Variants in CDH8 observed in about 807,000 individuals in gnomAD.
CDH8 encodes cadherin-8.
In CDH8, 17 loss-of-function variants were observed where a neutral mutation model predicts 68.1. The observed-to-expected ratio is 0.25, with a 90% confidence interval of 0.17 to 0.37. The LOEUF is 0.37. Ranked by LOEUF, CDH8 falls within the 10% of genes least tolerant of loss-of-function variation. The pLI is 1.00. For missense variants in CDH8, 763 were observed against 999.3 expected (o/e 0.76, Z 3.19); for synonymous variants, 372 against 365.1 (o/e 1.02, Z -0.21).
At chr16:61,978,653 G>A (rs1038889615) in intron 2 of CDH8, among the ~76,000 whole-genome samples, 1 of 152,096 alleles carries the variant, frequency 6.6e-6, no homozygotes, top group South Asian at 2.1e-4. Context: ...TGACATATGA[G>A]AAAATTGACG....
intron 4 of CDH8, 128 bp downstream of exon 4, chr16:61,856,991 C>T: frequency 6.5e-6 from 7 of 1,075,128 alleles, no homozygotes; most frequent in South Asian, 2.6e-5. Flanking sequence ...CCTCATGTCG[C>T]ATATTCAAAT....
intron 4 of CDH8, among the ~76,000 whole-genome samples, chr16:61,842,054 A>ATTT (rs543607290): frequency 0.054 from 7,083 of 132,226 alleles, 464 homozygotes; most frequent in East Asian, 0.19. Context: ...CGCCCGGCTA[A>ATTT]TTTTTTTTTT....
intron 3 of CDH8, among the ~76,000 whole-genome samples, chr16:61,890,963 A>T (rs1963764865): frequency 6.6e-6 from 1 of 152,160 alleles, no homozygotes; most frequent in Non-Finnish European, 1.5e-5. Context: ...CCCTATAGTG[A>T]ATAGTTCTAT....
chr16:61,695,769 G>C (rs1964313660), intron 10 of CDH8, among the ~76,000 whole-genome samples: 1 of 152,132 alleles, frequency 6.6e-6, no homozygotes, highest in Non-Finnish European at 1.5e-5. Flanking sequence ...TATTACTCTT[G>C]TCTTAGAATG....
chr16:61,986,308 T>C (rs1394218269), intron 2 of CDH8, among the ~76,000 whole-genome samples: 1 of 152,208 alleles, frequency 6.6e-6, no homozygotes, highest in African/African-American at 2.4e-5. Flanking sequence ...AGAAAATGCA[T>C]AGTAGACTCA....
intron 4 of CDH8, among the ~76,000 whole-genome samples, chr16:61,840,951 A>T (rs536535337): frequency 2.6e-5 from 4 of 152,262 alleles, no homozygotes; most frequent in East Asian, 1.9e-4. Context: ...AACTTTTTTT[A>T]AAAAATAAAG....
chr16:61,901,257 C>T lies in CDH8; in HGVS notation c.469G>A (p.Val157Ile). 2.5e-6 allele frequency: 4 copies of T among 1,613,998 alleles called. No homozygotes were observed. The highest frequency in any genetic ancestry group is 3.4e-6 in the Non-Finnish European group (4 of 1,179,908). Residue 157 changes from valine (V) to isoleucine (I), a missense_variant, in exon 3 of 12, where the codon GTT becomes ATT. Physicochemically the swap from Val to Ile is conservative, Grantham distance 29. Around this residue, in one of 2 missense-constraint regions of CDH8, gnomAD observed 366 missense variants for 563.1 expected, o/e 0.65. Transcript: ENST00000577390. Reference sequence around the variant, plus strand: ...GGTGCATTGTCATTGATGTCTTGAACTTTAATAATAAATTCAGAAGGAGGC... The same window carrying T: ...GGTGCATTGTCATTGATGTCTTGAATTTTAATAATAAATTCAGAAGGAGGC... Reference protein sequence around the residue: ...LEPPSEFIIKVQDINDNAPEF... With the variant: ...LEPPSEFIIKIQDINDNAPEF...
chr16:61,822,487 T>A (rs1369476261), intron 5 of CDH8, among the ~76,000 whole-genome samples: 1 of 151,722 alleles, frequency 6.6e-6, no homozygotes, highest in Non-Finnish European at 1.5e-5. Flanking sequence ...TCATTCGAGC[T>A]CAAATCCACT....
chr16:61,734,363 T>C (rs1435766436), intron 8 of CDH8, among the ~76,000 whole-genome samples: 3 of 150,104 alleles, frequency 2.0e-5, no homozygotes, highest in African/African-American at 7.3e-5. Context: ...TTTCCTTCAG[T>C]ATTTGCAAGG....
intron 4 of CDH8, among the ~76,000 whole-genome samples, chr16:61,829,866 T>G (rs544902806): frequency 6.6e-6 from 1 of 151,912 alleles, no homozygotes; most frequent in South Asian, 2.1e-4. Context: ...CAAGACAGAA[T>G]TTTTGGAATG....
chr16:61,735,918 C>CA (rs1959665387), intron 8 of CDH8, among the ~76,000 whole-genome samples: 1 of 151,708 alleles, frequency 6.6e-6, no homozygotes, highest in African/African-American at 2.4e-5. Flanking sequence ...ACTAAAAATA[C>CA]AAAAATTAGC....
At chr16:61,892,327 G>A (rs1214405091) in intron 3 of CDH8, among the ~76,000 whole-genome samples, 2 of 151,930 alleles carry the variant, frequency 1.3e-5, no homozygotes, top group Non-Finnish European at 2.9e-5. Flanking sequence ...ATGCCTGCAG[G>A]ATCCTTTTGA....
chr16:62,005,367 TAA>T (rs1344009875), intron 2 of CDH8, among the ~76,000 whole-genome samples: 1 of 152,152 alleles, frequency 6.6e-6, no homozygotes, highest in African/African-American at 2.4e-5. Flanking sequence ...TAGGCTATGT[TAA>T]AGAGTACCAT....
At chr16:61,942,548 G>T (rs1964741190) in intron 2 of CDH8, among the ~76,000 whole-genome samples, 1 of 151,964 alleles carries the variant, frequency 6.6e-6, no homozygotes, top group Non-Finnish European at 1.5e-5. Context: ...GAGGAAACGG[G>T]CTAAGCTCAT....
At chr16:61,925,577 T>A (rs1379981057) in intron 2 of CDH8, among the ~76,000 whole-genome samples, 3 of 152,178 alleles carry the variant, frequency 2.0e-5, no homozygotes, top group African/African-American at 7.2e-5. Context: ...TCTATTTTTC[T>A]CCATTAGGCC....
chr16:61,744,254 GTTTTAC>G (rs1266843493), intron 8 of CDH8, among the ~76,000 whole-genome samples: 1 of 152,072 alleles, frequency 6.6e-6, no homozygotes, highest in Admixed American at 6.5e-5. Flanking sequence ...TTCTGCCAAA[GTTTTAC>G]TTTATATACT....
At chr16:61,683,361 C>T (rs1964047501) in intron 10 of CDH8, among the ~76,000 whole-genome samples, 1 of 151,960 alleles carries the variant, frequency 6.6e-6, no homozygotes, top group South Asian at 2.1e-4. Context: ...AAATGTTACC[C>T]ATGATTTAAT....
chr16:61,751,411 A>G (rs1960159096), intron 8 of CDH8, among the ~76,000 whole-genome samples: 2 of 126,420 alleles, frequency 1.6e-5, no homozygotes, highest in African/African-American at 5.9e-5. Context: ...AAAAAAAAAA[A>G]CAAGCAGTTT....
intron 8 of CDH8, among the ~76,000 whole-genome samples, chr16:61,747,458 A>C (rs1007966031): frequency 1.3e-5 from 2 of 152,088 alleles, no homozygotes; most frequent in Non-Finnish European, 2.9e-5. Context: ...ATGTTAATGG[A>C]AAGTTAATAA....
Sources: allele counts gnomAD v4.1 joint callset (sites outside exome capture counted in the v4.1 genomes callset), GRCh38; gene constraint gnomAD v4.1.1; regional missense constraint gnomAD v4.1.1; transcripts MANE v1.5; gene names NCBI Gene and HGNC (gene_info 2026-07-23, HGNC 2026-07-21).